The following PRDM14 variants were observed in gnomAD, a reference collection of about 807,000 sequenced individuals.
PRDM14 encodes PR/SET domain 14.
In PRDM14, 16 loss-of-function variants were observed where a neutral mutation model predicts 48.0. The observed-to-expected ratio is 0.33, with a 90% confidence interval of 0.23 to 0.51. PRDM14 has a LOEUF of 0.51. PRDM14 is among the 20% of genes least tolerant of loss of function. PRDM14 has a pLI of 0.97. For missense variants in PRDM14, 566 were observed against 719.6 expected (o/e 0.79, Z 2.44); for synonymous variants, 264 against 276.6 (o/e 0.95, Z 0.45).
chr8:70,059,090 G>T (rs1024312568), intron 5 of PRDM14, among the ~76,000 whole-genome samples: 7 of 151,908 alleles, frequency 4.6e-5, no homozygotes. Flanking sequence ...AAGTAGCTGG[G>T]ATTACAGGTG....
At chr8:70,058,879 C>T (rs751323457) in intron 5 of PRDM14, 37 bp from the exon 6 acceptor site, 1 of 1,487,894 alleles carries the variant, frequency 6.7e-7, no homozygotes, top group Admixed American at 1.7e-5. Flanking sequence ...TCTTCAGTTA[C>T]TTCCCTCCCT....
chr8:70,068,095 A>T, intron 4 of PRDM14, 135 bp downstream of exon 4: 2 of 981,334 alleles, frequency 2.0e-6, no homozygotes, highest in Non-Finnish European at 1.5e-6. Flanking sequence ...TTTACAGGCA[A>T]CACAAACCAC....
intron 5 of PRDM14, among the ~76,000 whole-genome samples, chr8:70,063,392 C>G (rs1190148287): frequency 6.6e-6 from 1 of 152,058 alleles, no homozygotes; most frequent in African/African-American, 2.4e-5. Context: ...CTAGATTACA[C>G]TACTGTACTC....
chr8:70,059,234 C>G (rs1005774783), intron 5 of PRDM14, among the ~76,000 whole-genome samples: 1 of 151,884 alleles, frequency 6.6e-6, no homozygotes, highest in Non-Finnish European at 1.5e-5. Flanking sequence ...GGATTACATG[C>G]GTGAGCCACT....
Position 70,052,174 on chromosome 8 carries a change from T to C in PRDM14, c.1619A>G (p.His540Arg). The C allele has an allele frequency of 1.2e-6, 2 of 1,613,824 alleles. No homozygotes were observed. Among genetic ancestry groups the C allele is most frequent in the Non-Finnish European group, 1.7e-6 (2 of 1,179,960 alleles). The stretch of plus-strand genomic sequence containing the variant: ...GCATGAGCAGCCATCATCCTCCTTG[T>C]GTGAACGCCGGACATGGCTGTCATG... The part of the protein sequence containing the change: ...AAHDSHVRRS[H>R]KEDDGCSCSI... The change falls in exon 8 of 8, where the codon CAC becomes CGC. Residue 540 changes from histidine (H) to arginine (R), a missense_variant. Physicochemically the swap from His to Arg is conservative, Grantham distance 29. Coordinates refer to ENST00000276594, the MANE Select transcript of PRDM14 (RefSeq NM_024504.4).
chr8:70,066,117 G>C (rs190549160), intron 5 of PRDM14, 118 bp downstream of exon 5: 18 of 1,130,624 alleles, frequency 1.6e-5, no homozygotes, highest in Non-Finnish European at 2.2e-5. Context: ...AGACACTCTC[G>C]GTTAGTCCTC....
At chr8:70,055,552 C>CAATT (rs1805459231) in intron 6 of PRDM14, 151 bp from the exon 7 acceptor site, 1 of 521,848 alleles carries the variant, frequency 1.9e-6, no homozygotes, top group East Asian at 3.4e-5. Context: ...GTTACCCAGA[C>CAATT]TGGACTGCAG....
chr8:70,059,126 T>C (rs775325462), intron 5 of PRDM14, among the ~76,000 whole-genome samples: 41 of 151,622 alleles, frequency 2.7e-4, no homozygotes, highest in Non-Finnish European at 4.6e-4. Context: ...GGCTAATTTT[T>C]GTATTTTTAG....
chr8:70,067,165 A>C (rs1805682731), intron 4 of PRDM14, among the ~76,000 whole-genome samples: 1 of 152,224 alleles, frequency 6.6e-6, no homozygotes, highest in Admixed American at 6.5e-5. Flanking sequence ...ACTTAAACAC[A>C]ACTGAATAGT....
At chr8:70,057,242 C>T (rs569327706) in intron 6 of PRDM14, among the ~76,000 whole-genome samples, 2 of 152,090 alleles carry the variant, frequency 1.3e-5, no homozygotes, top group Admixed American at 6.5e-5. Context: ...TGGGATTAGG[C>T]GTGAGCCACC....
intron 1 of PRDM14, among the ~76,000 whole-genome samples, chr8:70,070,680 G>C (rs1805751311): frequency 6.6e-6 from 1 of 152,216 alleles, no homozygotes; most frequent in African/African-American, 2.4e-5. Flanking sequence ...TTGGGGCCTG[G>C]GGTAGCCCCT....
chr8:70,055,649 G>A (rs983173160), intron 6 of PRDM14, among the ~76,000 whole-genome samples: 2 of 151,990 alleles, frequency 1.3e-5, no homozygotes, highest in African/African-American at 2.4e-5. Context: ...GGGACTACAG[G>A]TGCGTGCCAC....
At chr8:70,059,010 A>G (rs1221622815) in intron 5 of PRDM14, among the ~76,000 whole-genome samples, 168 bp from the exon 6 acceptor site, 9 of 152,236 alleles carry the variant, frequency 5.9e-5, no homozygotes, top group Admixed American at 5.9e-4. Flanking sequence ...TCTGTAGTGC[A>G]GTGGCACGAT....
At position 70,069,397 on chromosome 8, in the gene PRDM14, G is replaced by C; in HGVS notation, c.464C>G (p.Ala155Gly). ...CCCCTCAGGTAACAGAGAAGCATCC[G>C]CAGGGGGCGGTGGAATTAAAGTGTC... ...GPDTLIPPPP[A>G]DASLLPEGLR... Residue 155 changes from alanine (A) to glycine (G), a missense_variant, in exon 2 of 8, where the codon GCG becomes GGG. Ala to Gly is a moderately conservative substitution (Grantham distance 60). Transcript: ENST00000276594. 3.1e-6 allele frequency: 5 copies of C among 1,609,140 alleles called. No individual in the cohort carries two copies. Among genetic ancestry groups the C allele is most frequent in the East Asian group, 2.2e-5 (1 of 44,812 alleles).
At chr8:70,059,211 TC>T (rs1805531145) in intron 5 of PRDM14, among the ~76,000 whole-genome samples, 1 of 152,128 alleles carries the variant, frequency 6.6e-6, no homozygotes. Context: ...CCTCTTGGCC[TC>T]CCAAAGTGCT....
chr8:70,069,539 G>C lies in PRDM14; in HGVS notation c.322C>G (p.Pro108Ala). The change falls in exon 2 of 8, where the codon CCC (proline) becomes GCC (alanine). Residue 108 changes from proline (P) to alanine (A), a missense_variant. Physicochemically the swap from Pro to Ala is conservative, Grantham distance 27 (BLOSUM62 -1). This residue lies in a region of PRDM14 where 410 missense variants were observed against 424.6 expected (regional missense o/e 0.97). Transcript: ENST00000276594. ...LPPWYPIPHV[P>A]REVPPFLSSS... ...CTCAGGAAGGGCGGCACTTCCCTGG[G>C]GACGTGGGGAATTGGGTACCACGGT... 6.2e-7 allele frequency: 1 copy of C among 1,608,334 alleles called. No individual in the cohort carries two copies. The highest frequency in any genetic ancestry group is 8.5e-7 in the Non-Finnish European group (1 of 1,176,974).
intron 6 of PRDM14, among the ~76,000 whole-genome samples, chr8:70,055,856 T>C (rs1805464322): frequency 1.3e-5 from 2 of 152,176 alleles, no homozygotes; most frequent in Non-Finnish European, 1.5e-5. Context: ...GTTTGTGGTA[T>C]ATGGCAGAGG....
chr8:70,060,380 C>T (rs933406858), intron 5 of PRDM14, among the ~76,000 whole-genome samples: 5 of 145,248 alleles, frequency 3.4e-5, no homozygotes, highest in Admixed American at 6.9e-5. Context: ...GCCTGGGCAA[C>T]AGAGCAACAC....
rs1023156467 is a variant in PRDM14, at chr8:70,066,587, C to G, written c.913-82G>C. 4 of 1,044,754 alleles carry G rather than the reference C, an allele frequency of 3.8e-6. No homozygotes were observed. In the African/African-American group the frequency reaches 4.9e-5, roughly 13 times the overall value. The allele number at this position is 1,044,754 out of a possible 1,614,324, so 64.7% of individuals were successfully genotyped here. On this transcript the variant is annotated intron_variant, in intron 4 of 7. Transcript: ENST00000276594. ...AAATAAATTTTTTAATACTTGTAAC[C>G]TAAATATCACACTTGAGTCCACCAA... is the stretch of plus-strand genomic sequence containing the variant.
Sources: allele counts gnomAD v4.1 joint callset (sites outside exome capture counted in the v4.1 genomes callset), GRCh38; gene constraint gnomAD v4.1.1; regional missense constraint gnomAD v4.1.1; transcripts MANE v1.5; gene names NCBI Gene and HGNC (gene_info 2026-07-23, HGNC 2026-07-21).